Variants in STEAP4 observed in about 807,000 individuals in gnomAD.
STEAP4 encodes STEAP4 metalloreductase.
Under a neutral mutation model 43.6 loss-of-function variants are expected in STEAP4, and 36 were observed. That is an observed-to-expected ratio of 0.83 (90% CI 0.63 to 1.09). The LOEUF (loss-of-function observed/expected upper bound fraction) is 1.09. STEAP4 is among the 50% of genes least tolerant of loss of function. STEAP4 has a pLI of 0.00. For synonymous variants in STEAP4, 191 were observed against 196.7 expected (o/e 0.97, Z 0.24); for missense variants, 495 against 546.5 (o/e 0.91, Z 0.94).
chr7:88,303,787 TC>T (rs1164838035), intron 1 of STEAP4, among the ~76,000 whole-genome samples: 4 of 152,240 alleles, frequency 2.6e-5, no homozygotes. Flanking sequence ...AAATTGTTAA[TC>T]TATGTAGGCC....
Position 88,278,089 on chromosome 7 carries a change from C to T in STEAP4, c.*1309G>A, listed in dbSNP as rs992653189. 6.6e-6 allele frequency: 1 copy of T among 151,044 alleles called. No individual in the cohort carries two copies. The highest frequency in any genetic ancestry group is 2.4e-5 in the African/African-American group (1 of 41,140). 9.4% of individuals were successfully genotyped at this position (151,044 alleles called of 1,614,324 possible). ...AAAAAAAAAAAAGGTCTTAGCAGAG[C>T]AGGCAGAAAAATGCCAAACTCAGTG... On this transcript the variant is annotated 3_prime_UTR_variant, in exon 5 of 5. Coordinates refer to ENST00000380079, the MANE Select transcript of STEAP4 (RefSeq NM_024636.4).
intron 4 of STEAP4, among the ~76,000 whole-genome samples, chr7:88,280,597 T>A (rs1229221352): frequency 6.6e-6 from 1 of 152,236 alleles, no homozygotes; most frequent in African/African-American, 2.4e-5. Flanking sequence ...TCTCAACATC[T>A]GGTTTTCCAT....
chr7:88,291,867 C>G (rs890794464), intron 1 of STEAP4, among the ~76,000 whole-genome samples: 1 of 152,144 alleles, frequency 6.6e-6, no homozygotes, highest in African/African-American at 2.4e-5. Context: ...AGTTATGTAA[C>G]AGGAAATACA....
chr7:88,296,837 G>A (rs190774492), intron 1 of STEAP4, among the ~76,000 whole-genome samples: 61 of 152,024 alleles, frequency 4.0e-4, no homozygotes, highest in Non-Finnish European at 1.0e-4. Context: ...TCTTTTATTG[G>A]CAGGTAGGTA....
intron 1 of STEAP4, chr7:88,304,281 C>T (rs1182469260): frequency 3.9e-5 from 6 of 152,048 alleles, no homozygotes; most frequent in African/African-American, 7.3e-5. Flanking sequence ...CACATGTATA[C>T]ATATGTAACT....
intron 4 of STEAP4, among the ~76,000 whole-genome samples, chr7:88,280,273 A>G (rs894014514): frequency 6.6e-6 from 1 of 152,238 alleles, no homozygotes; most frequent in Admixed American, 6.5e-5. Context: ...CATAATAAGC[A>G]TGCATCAGAA....
At chr7:88,285,292 G>A (rs1041072570) in intron 1 of STEAP4, among the ~76,000 whole-genome samples, 2 of 152,090 alleles carry the variant, frequency 1.3e-5, no homozygotes, top group African/African-American at 4.8e-5. Context: ...CAAGATATGT[G>A]CAACATATGT....
chr7:88,289,304 G>C (rs1852798057), intron 1 of STEAP4, among the ~76,000 whole-genome samples: 1 of 152,124 alleles, frequency 6.6e-6, no homozygotes, highest in Non-Finnish European at 1.5e-5. Flanking sequence ...CAATGGAGAA[G>C]AGTAAGAAAG....
chr7:88,301,323 G>A (rs1190038926), intron 1 of STEAP4, among the ~76,000 whole-genome samples: 2 of 152,158 alleles, frequency 1.3e-5, no homozygotes, highest in Admixed American at 1.3e-4. Context: ...ACCCAGGCAG[G>A]AGTGCAGTGG....
At chr7:88,290,184 G>C (rs1181548488) in intron 1 of STEAP4, 1 of 152,112 alleles carries the variant, frequency 6.6e-6, no homozygotes, top group Non-Finnish European at 1.5e-5. Context: ...AGTGATTCCA[G>C]ACCATTTTGA....
At position 88,284,204 on chromosome 7, in the gene STEAP4, T is replaced by C. The variant is rs1308784867; in HGVS notation, c.66A>G (p.Val22=). 6.2e-7 allele frequency: 1 copy of C among 1,613,766 alleles called. No homozygotes were observed. The highest frequency in any genetic ancestry group is 1.3e-5 in the African/African-American group (1 of 75,038). ...CAAAATCACCAGTTCCAAAAATACA[T>C]ACAGTCTCTTGCTTTTCTGAAGAAT... The part of the protein sequence containing the change: ...TMNSSEKQET[V]CIFGTGDFGR... Residue 22 remains valine, a synonymous_variant, in exon 2 of 5, where the codon GTA becomes GTG. Transcript: ENST00000380079.
rs1477563134 is a variant in STEAP4, at chr7:88,271,120, C to T, written c.*8278G>A. 1 of 152,152 alleles carries T rather than the reference C, an allele frequency of 6.6e-6. No homozygotes were observed. Among genetic ancestry groups the T allele is most frequent in the Non-Finnish European group, 1.5e-5 (1 of 68,006 alleles). The allele number at this position is 152,152 out of a possible 1,614,324, so 9.4% of individuals were successfully genotyped here. On this transcript the variant is annotated 3_prime_UTR_variant, in exon 5 of 5. Transcript: ENST00000380079. ...ATTATTGTTAACTGTAGTCATCCTACAGAGCTATAGAACACTACAACTTAA... is the reference window on the plus strand; with the variant it reads ...ATTATTGTTAACTGTAGTCATCCTATAGAGCTATAGAACACTACAACTTAA...
intron 1 of STEAP4, among the ~76,000 whole-genome samples, chr7:88,294,680 C>CGCCCAGGCTGGAGTGCAG: frequency 6.6e-6 from 1 of 151,940 alleles, no homozygotes; most frequent in Non-Finnish European, 1.5e-5. Context: ...CATATCTCTT[C>CGCCCAGGCTGGAGTGCAG]TAAATGGTGG....
intron 1 of STEAP4, among the ~76,000 whole-genome samples, chr7:88,294,001 G>T (rs1012928708): frequency 2.6e-5 from 4 of 151,858 alleles, no homozygotes; most frequent in Non-Finnish European, 1.5e-5. Context: ...TAAAAAAAAT[G>T]CTTAAAAATA....
At chr7:88,283,535 A>T in intron 2 of STEAP4, 3 of 514,098 alleles carry the variant, frequency 5.8e-6, no homozygotes, top group Non-Finnish European at 1.0e-5. Context: ...GCAGAAAAGG[A>T]TATTCACCAA....
At position 88,276,449 on chromosome 7, in the gene STEAP4, A is replaced by G. The variant is rs928410448; in HGVS notation, c.*2949T>C. 2.0e-5 allele frequency: 3 copies of G among 152,262 alleles called. No individual in the cohort carries two copies. Among genetic ancestry groups the G allele is most frequent in the African/African-American group, 7.2e-5 (3 of 41,472 alleles). The allele number at this position is 152,262 out of a possible 1,614,324, so 9.4% of individuals were successfully genotyped here. ...GGAAATATTTTTAAAGTAACATTTA[A>G]TGAATACACATTTATAAAAGCCATC... On this transcript the variant is annotated 3_prime_UTR_variant, in exon 5 of 5. Transcript: ENST00000380079.
chr7:88,283,224 T>G, intron 2 of STEAP4, 56 bp from the exon 3 acceptor site: 1 of 1,485,922 alleles, frequency 6.7e-7, no homozygotes, highest in Non-Finnish European at 9.0e-7. Context: ...TATTTAATAA[T>G]TATTTTGAAA....
Position 88,279,080 on chromosome 7 carries a change from T to A in STEAP4, c.*318A>T, listed in dbSNP as rs1448176336. The stretch of plus-strand genomic sequence containing the variant: ...CTATTGGATTTTGCAAGACATTAGG[T>A]CATGCATGTTGCCCATAACAAGGAA... On this transcript the variant is annotated 3_prime_UTR_variant, in exon 5 of 5. Transcript: ENST00000380079. 2 of 335,088 alleles carry A rather than the reference T, an allele frequency of 6.0e-6. No individual in the cohort carries two copies. The highest frequency in any genetic ancestry group is 4.2e-5 in the African/African-American group (2 of 47,380). 20.8% of individuals were successfully genotyped at this position (335,088 alleles called of 1,614,324 possible).
Position 88,280,925 on chromosome 7 carries a change from C to T in STEAP4, c.1139G>A (p.Arg380Gln), listed in dbSNP as rs754509742. The T allele has an allele frequency of 3.7e-5, 59 of 1,602,776 alleles. 1 individual carries two copies. In the Middle Eastern group the frequency reaches 5.0e-4, roughly 13 times the overall value. The change falls in exon 4 of 5, where the codon CGA (arginine) becomes CAA (glutamine). Residue 380 changes from arginine (R) to glutamine (Q), a missense_variant. Physicochemically the swap from Arg to Gln is conservative, Grantham distance 43. Transcript: ENST00000380079. The stretch of plus-strand genomic sequence containing the variant: ...ACTTGAAGTTCTTACCTGGACAAAT[C>T]GGAACTCTCTCCAGTTGACTGCATT... ...VSNAVNWREF[R>Q]FVQSKLGYLT...
Sources: gnomAD v4.1 joint callset for allele counts (sites outside exome capture counted in the v4.1 genomes callset) on GRCh38, gnomAD v4.1.1 for gene constraint, MANE v1.5 for transcripts, NCBI Gene and HGNC (gene_info 2026-07-23, HGNC 2026-07-21) for gene names.